The following RALGPS1 variants were observed in gnomAD, a reference collection of about 807,000 sequenced individuals.
RALGPS1 encodes ras-specific guanine nucleotide-releasing factor RalGPS1.
In RALGPS1, 19 loss-of-function variants were observed where a neutral mutation model predicts 78.8. The observed-to-expected ratio is 0.24, with a 90% confidence interval of 0.17 to 0.35. RALGPS1 has a LOEUF of 0.35. Among genes scored for constraint, RALGPS1 ranks in the 10% least tolerant of loss-of-function variants. The probability of loss-of-function intolerance (pLI) is 1.00; values close to 1 mark genes in which losing one functional copy is unlikely to be tolerated. For missense variants in RALGPS1, 454 were observed against 688.3 expected (o/e 0.66, Z 3.81); for synonymous variants, 228 against 256.3 (o/e 0.89, Z 1.06).
At chr9:126,937,805 C>G (rs1319357092) in intron 1 of RALGPS1, among the ~76,000 whole-genome samples, 1 of 152,090 alleles carries the variant, frequency 6.6e-6, no homozygotes, top group Non-Finnish European at 1.5e-5. Context: ...GTGAGGGAAC[C>G]TAGGGGTGCT....
intron 8 of RALGPS1, among the ~76,000 whole-genome samples, chr9:127,164,854 C>T (rs1002748999): frequency 2.6e-5 from 4 of 152,062 alleles, no homozygotes; most frequent in African/African-American, 9.7e-5. Context: ...AACTTGTTAA[C>T]GTTGTTACTG....
At chr9:127,064,942 G>T (rs1440089505) in intron 7 of RALGPS1, among the ~76,000 whole-genome samples, 1 of 151,628 alleles carries the variant, frequency 6.6e-6, no homozygotes, top group African/African-American at 2.4e-5. Context: ...GTTTGGTTTT[G>T]TTTGTTTGTT....
intron 6 of RALGPS1, 112 bp from the exon 7 acceptor site, chr9:127,052,735 A>G (rs1383656107): frequency 4.3e-6 from 3 of 694,582 alleles, no homozygotes; most frequent in Admixed American, 5.1e-5. Context: ...TCCACATGAG[A>G]TATTTTTAAG....
intron 8 of RALGPS1, among the ~76,000 whole-genome samples, chr9:127,140,444 G>A (rs969382860): frequency 2.0e-5 from 3 of 152,192 alleles, no homozygotes; most frequent in African/African-American, 7.2e-5. Context: ...GCCTCTGGGG[G>A]CACCCAGCAC....
intron 2 of RALGPS1, among the ~76,000 whole-genome samples, chr9:126,964,067 C>T (rs1175719790): frequency 6.6e-6 from 1 of 152,098 alleles, no homozygotes; most frequent in Non-Finnish European, 1.5e-5. Flanking sequence ...TTAAAAATAG[C>T]CATGCCTGGG....
At chr9:126,961,802 A>T (rs1168900804) in intron 1 of RALGPS1, among the ~76,000 whole-genome samples, 1 of 152,152 alleles carries the variant, frequency 6.6e-6, no homozygotes, top group Non-Finnish European at 1.5e-5. Context: ...TCTCAAAATA[A>T]ATAAGACAAA....
At chr9:127,046,989 T>A (rs1297435341) in intron 5 of RALGPS1, among the ~76,000 whole-genome samples, 6 of 147,614 alleles carry the variant, frequency 4.1e-5, no homozygotes, top group African/African-American at 1.2e-4. Flanking sequence ...TCGAATTAGT[T>A]AAAAAAAAAA....
At chr9:127,112,837 ACTAATG>A (rs1159466486) in intron 8 of RALGPS1, among the ~76,000 whole-genome samples, 1 of 152,244 alleles carries the variant, frequency 6.6e-6, no homozygotes, top group African/African-American at 2.4e-5. Context: ...CATCTCCTTG[ACTAATG>A]CTTGCACAGG....
intron 4 of RALGPS1, among the ~76,000 whole-genome samples, chr9:127,029,380 C>T (rs1384963082): frequency 6.6e-6 from 1 of 152,164 alleles, no homozygotes; most frequent in Non-Finnish European, 1.5e-5. Context: ...TGTAATTGTC[C>T]CACCAGTTCT....
At chr9:127,192,793 G>T (rs1188095434) in intron 11 of RALGPS1, among the ~76,000 whole-genome samples, 7 of 152,236 alleles carry the variant, frequency 4.6e-5, no homozygotes, top group Non-Finnish European at 1.0e-4. Context: ...GGAAGAGAAG[G>T]ATCTCACGGA....
At chr9:127,003,534 C>T (rs1228788000) in intron 4 of RALGPS1, among the ~76,000 whole-genome samples, 4 of 152,092 alleles carry the variant, frequency 2.6e-5, no homozygotes, top group Non-Finnish European at 5.9e-5. Context: ...GAATGGCAAT[C>T]GTTAAAAAGT....
chr9:127,174,140 T>C (rs1029740599), intron 10 of RALGPS1, among the ~76,000 whole-genome samples: 1 of 151,822 alleles, frequency 6.6e-6, no homozygotes, highest in African/African-American at 2.4e-5. Context: ...CATGCCTGTA[T>C]TCCCAGCCAG....
intron 8 of RALGPS1, among the ~76,000 whole-genome samples, chr9:127,151,408 A>G (rs190933997): frequency 3.9e-5 from 6 of 152,306 alleles, no homozygotes; most frequent in Admixed American, 2.0e-4. Flanking sequence ...AGCAATTGAC[A>G]TATCATCAGA....
chr9:127,062,277 T>C (rs979806904), intron 7 of RALGPS1, among the ~76,000 whole-genome samples: 1 of 152,130 alleles, frequency 6.6e-6, no homozygotes, highest in African/African-American at 2.4e-5. Flanking sequence ...TTTTGTATTT[T>C]TTAGTAGAGA....
chr9:127,144,280 G>A (rs768716373), intron 8 of RALGPS1, among the ~76,000 whole-genome samples: 12 of 152,184 alleles, frequency 7.9e-5, no homozygotes, highest in Non-Finnish European at 1.5e-4. Flanking sequence ...GTACCCCAGC[G>A]GTGGCCCTCA....
chr9:126,990,424 T>C (rs1416459991), intron 4 of RALGPS1, among the ~76,000 whole-genome samples: 1 of 152,214 alleles, frequency 6.6e-6, no homozygotes, highest in Non-Finnish European at 1.5e-5. Context: ...TAGCGCCCTC[T>C]GTGGCTACCC....
intron 4 of RALGPS1, among the ~76,000 whole-genome samples, chr9:127,018,749 A>G (rs1057069402): frequency 3.9e-5 from 6 of 152,124 alleles, no homozygotes; most frequent in African/African-American, 1.4e-4. Context: ...TGTACTGTAT[A>G]TAATTGTATG....
At chr9:127,095,395 T>C (rs1418972930) in intron 8 of RALGPS1, among the ~76,000 whole-genome samples, 1 of 152,114 alleles carries the variant, frequency 6.6e-6, no homozygotes, top group Non-Finnish European at 1.5e-5. Flanking sequence ...AAGACAAGAC[T>C]CCGTCTCAAA....
At position 127,091,624 on chromosome 9, in the gene RALGPS1, C is replaced by T. The variant is rs1451704084; in HGVS notation, c.610+22268C>T. 2.5e-6 allele frequency: 4 copies of T among 1,589,410 alleles called. No homozygotes were observed. Among genetic ancestry groups the T allele is most frequent in the Non-Finnish European group, 3.4e-6 (4 of 1,166,430 alleles). On this transcript the variant is annotated intron_variant, in intron 8 of 18. Coordinates refer to ENST00000259351, the MANE Select transcript of RALGPS1 (RefSeq NM_014636.3). This position sits in a 1 kb window ranked among gnomAD's most constrained non-coding sequence, Gnocchi z 4.3. ...AGTCAGGGGCTCTGGCTCTGGTTGA[C>T]CTCTTTTCCCTACCCTGCACCTGGG...
Sources: gnomAD v4.1 joint callset for allele counts (sites outside exome capture counted in the v4.1 genomes callset) on GRCh38, gnomAD v4.1.1 for gene constraint, Gnocchi (gnomAD v3.1) non-coding constraint, MANE v1.5 for transcripts, NCBI Gene and HGNC (gene_info 2026-07-23, HGNC 2026-07-21) for gene names.